OPRM1: variants seen among roughly 807,000 people sequenced by gnomAD.
The protein encoded by OPRM1 is mu-type opioid receptor.
Under a neutral mutation model 31.8 loss-of-function variants are expected in OPRM1, and 27 were observed. The ratio of observed to expected loss-of-function variants is 0.85; its 90% CI spans 0.63 to 1.17. OPRM1 has a LOEUF of 1.17. Among genes scored for constraint, OPRM1 ranks in the 50% most tolerant of loss-of-function variants. The pLI, the probability that OPRM1 is intolerant of heterozygous loss-of-function variation, is 0.00. For synonymous variants in OPRM1, 196 were observed against 189.9 expected (o/e 1.03, Z -0.26); for missense variants, 536 against 511.1 (o/e 1.05, Z -0.47).
At chr6:154,242,016 A>G (rs1780637879) in intron 3 of OPRM1, among the ~76,000 whole-genome samples, 1 of 152,232 alleles carries the variant, frequency 6.6e-6, no homozygotes, top group Non-Finnish European at 1.5e-5. Context: ...TGAGCAAGTT[A>G]CTTAAATTCC....
chr6:154,037,284 G>T (rs1019729190), upstream of OPRM1, among the ~76,000 whole-genome samples: 5 of 151,450 alleles, frequency 3.3e-5, no homozygotes, highest in Non-Finnish European at 5.9e-5. Flanking sequence ...AACTGGCTTG[G>T]ATTGTGTTTA....
rs1453496959 is a variant in OPRM1 at position 154,039,791 on chromosome 6, G to A, written c.247G>A (p.Val83Met). Residue 83 changes from valine to methionine, a missense_variant, in exon 1 of 4, where the codon GTG becomes ATG. Physicochemically the swap from Val to Met is conservative, Grantham distance 21. Coordinates refer to ENST00000330432, the MANE Select transcript of OPRM1 (RefSeq NM_000914.5). ...GGCCCTCTACTCCATCGTGTGCGTG[G>A]TGGGGCTCTTCGGAAACTTCCTGGT... ...IMALYSIVCV[V>M]GLFGNFLVMY... 2 of 1,599,140 alleles carry A rather than the reference G, an allele frequency of 1.3e-6. No individual in the cohort carries two copies. The highest frequency in any genetic ancestry group is 1.7e-6 in the Non-Finnish European group (2 of 1,178,120).
At position 154,075,486 on chromosome 6, in the gene OPRM1, T is replaced by C. The variant is rs1787686152; in HGVS notation, c.291-14340T>C. The stretch of plus-strand genomic sequence containing the variant: ...TTTTTTTTTCCAGACGGAATTTCAC[T>C]CTGCTCCCAGGCTGGAGTGCAGTGG... On this transcript the variant is annotated intron_variant, in intron 1 of 3. Coordinates refer to ENST00000330432, the MANE Select transcript of OPRM1 (RefSeq NM_000914.5). Among the ~76,000 whole-genome samples, 2 of 150,264 alleles carry C rather than the reference T, an allele frequency of 1.3e-5. 1 individual carries two copies. Among genetic ancestry groups the C allele is most frequent in the Admixed American group, 1.3e-4 (2 of 15,010 alleles).
chr6:154,092,321 C>T (rs1792453500), intron 3 of OPRM1, among the ~76,000 whole-genome samples: 1 of 152,106 alleles, frequency 6.6e-6, no homozygotes, highest in Admixed American at 6.5e-5. Flanking sequence ...TAAATTTGAC[C>T]TCTGATCTAT....
chr6:154,016,922 A>C (rs954507082), intron 1 of OPRM1, among the ~76,000 whole-genome samples: 4 of 152,172 alleles, frequency 2.6e-5, no homozygotes, highest in Non-Finnish European at 5.9e-5. Context: ...AAAAACCCAC[A>C]ATGGTTACTG....
At position 154,246,731 on chromosome 6, in the gene OPRM1, A is replaced by C. The variant is rs375984465; in HGVS notation, c.1203A>C (p.Arg401=). 3 of 1,613,876 alleles carry C rather than the reference A, an allele frequency of 1.9e-6. No homozygotes were observed. In the African/African-American group the frequency reaches 4.0e-5, roughly 22 times the overall value. The change falls in exon 4 of 4, where the codon CGA becomes CGC. Residue 401 remains arginine, a synonymous_variant. Transcript: ENST00000337049. Reference sequence around the variant, plus strand: ...TCAGCATGGCCCAGATCTTTACACGATATCCTCCTCCGACTCATCGTGAGA... The same window carrying C: ...TCAGCATGGCCCAGATCTTTACACGCTATCCTCCTCCGACTCATCGTGAGA...
chr6:154,132,812 T>C (rs990497543), downstream of OPRM1, among the ~76,000 whole-genome samples: 3 of 152,248 alleles, frequency 2.0e-5, no homozygotes, highest in South Asian at 6.2e-4. Context: ...CGTCTCAACA[T>C]GAAAACACTT....
intron 3 of OPRM1, among the ~76,000 whole-genome samples, chr6:154,236,219 G>A (rs1463375812): frequency 6.6e-6 from 1 of 152,144 alleles, no homozygotes; most frequent in Non-Finnish European, 1.5e-5. Flanking sequence ...AGCTTAAAAA[G>A]GAAGACAATT....
At chr6:154,070,040 A>G (rs1302577489) in intron 1 of OPRM1, among the ~76,000 whole-genome samples, 1 of 152,190 alleles carries the variant, frequency 6.6e-6, no homozygotes, top group East Asian at 1.9e-4. Flanking sequence ...AATTTGTAAT[A>G]TTCGGAGGTG....
At chr6:154,171,400 G>A (rs1450093996) in intron 3 of OPRM1, among the ~76,000 whole-genome samples, 1 of 152,126 alleles carries the variant, frequency 6.6e-6, no homozygotes, top group Non-Finnish European at 1.5e-5. Flanking sequence ...CCATTTATAT[G>A]AAATGTCCAG....
At chr6:154,203,079 C>T (rs1777201425) in intron 3 of OPRM1, among the ~76,000 whole-genome samples, 1 of 152,190 alleles carries the variant, frequency 6.6e-6, no homozygotes, top group South Asian at 2.1e-4. Flanking sequence ...TTATTTCTAA[C>T]ATTCTGGAGA....
At chr6:154,204,240 T>G (rs900002983) in intron 3 of OPRM1, among the ~76,000 whole-genome samples, 1 of 152,204 alleles carries the variant, frequency 6.6e-6, no homozygotes, top group Non-Finnish European at 1.5e-5. Flanking sequence ...TTTCTTGGAA[T>G]TGTTTTTCAA....
chr6:154,019,757 T>TTTTTC (rs1778245957), intron 1 of OPRM1, among the ~76,000 whole-genome samples: 2 of 149,042 alleles, frequency 1.3e-5, no homozygotes, highest in African/African-American at 5.0e-5. Context: ...CTTTTTTTTT[T>TTTTTC]TTTTTTTTGA....
chr6:154,199,938 A>T, intron 3 of OPRM1: 1 of 1,614,230 alleles, frequency 6.2e-7, no homozygotes, highest in Non-Finnish European at 8.5e-7. Flanking sequence ...TTAGATAAGG[A>T]GGAAGGAAAA....
intron 3 of OPRM1, among the ~76,000 whole-genome samples, chr6:154,240,965 C>A (rs77891520): frequency 1.2e-3 from 182 of 152,210 alleles, no homozygotes; most frequent in African/African-American, 4.0e-3. Context: ...GGGCCAGGTG[C>A]GGTGGCTCAT....
chr6:154,031,792 T>C (rs1779024539), intron 1 of OPRM1, among the ~76,000 whole-genome samples: 2 of 151,922 alleles, frequency 1.3e-5, no homozygotes, highest in East Asian at 1.9e-4. Context: ...TACTGTGTGC[T>C]AGAGGAAAAA....
intron 3 of OPRM1, among the ~76,000 whole-genome samples, chr6:154,195,063 G>A (rs1350619977): frequency 2.0e-5 from 3 of 151,870 alleles, no homozygotes; most frequent in Non-Finnish European, 4.4e-5. Flanking sequence ...CTGTTATGCA[G>A]GCTCCCTAAA....
chr6:154,099,246 C>A lies in OPRM1; in HGVS notation c.1164+7774C>A, dbSNP rs535612293. ...GCTGCAATGAGCAGTGATTGTGCCACCGCACTCTAGGCTGGGCAACTGAAT... is the reference window on the plus strand; with the variant it reads ...GCTGCAATGAGCAGTGATTGTGCCAACGCACTCTAGGCTGGGCAACTGAAT... On this transcript the variant is annotated intron_variant, in intron 3 of 3. Coordinates refer to ENST00000330432, the MANE Select transcript of OPRM1 (RefSeq NM_000914.5). Among the ~76,000 whole-genome samples the A allele has an allele frequency of 3.5e-4, 52 of 147,122 alleles. 1 individual carries two copies. Among genetic ancestry groups the A allele is most frequent in the Non-Finnish European group, 7.4e-5 (5 of 67,184 alleles).
chr6:154,060,323 C>G (rs190495558), intron 1 of OPRM1, among the ~76,000 whole-genome samples: 1 of 152,104 alleles, frequency 6.6e-6, no homozygotes, highest in East Asian at 1.9e-4. Context: ...GGTACTCCAG[C>G]GAGCCTAAAT....
Sources: gnomAD v4.1 joint callset for allele counts (sites outside exome capture counted in the v4.1 genomes callset) on GRCh38, gnomAD v4.1.1 for gene constraint, MANE v1.5 for transcripts, NCBI Gene and HGNC (gene_info 2026-07-23, HGNC 2026-07-21) for gene names.